Variants in EPB41L5 observed in about 807,000 individuals in gnomAD.
EPB41L5 encodes the protein band 4.1-like protein 5.
EPB41L5 carries 55 observed loss-of-function variants against 106.6 expected under a neutral mutation model. The ratio of observed to expected loss-of-function variants is 0.52; its 90% CI spans 0.42 to 0.65. The LOEUF is 0.65. EPB41L5 is among the 30% of genes least tolerant of loss of function. EPB41L5 has a pLI of 0.00. For synonymous variants in EPB41L5, 297 were observed against 306.7 expected, an observed-to-expected ratio of 0.97 and a Z score of 0.33; for missense variants, 871 against 882.1, an observed-to-expected ratio of 0.99 and a Z score of 0.16.
chr2:120,121,645 G>A (rs1685219603), intron 16 of EPB41L5, among the ~76,000 whole-genome samples: 1 of 152,146 alleles, frequency 6.6e-6, no homozygotes. Flanking sequence ...ATTGCGATTA[G>A]TGCCACAATA....
intron 3 of EPB41L5, among the ~76,000 whole-genome samples, chr2:120,062,055 A>G (rs1026815426): frequency 1.3e-5 from 2 of 152,202 alleles, no homozygotes; most frequent in Admixed American, 6.5e-5. Context: ...AGAGAAGAAG[A>G]TGACAAGGAT....
intron 12 of EPB41L5, among the ~76,000 whole-genome samples, chr2:120,090,742 CT>C (rs1683351970): frequency 1.3e-5 from 2 of 152,262 alleles, no homozygotes; most frequent in African/African-American, 4.8e-5. Context: ...TTATATCCCT[CT>C]GGATGTTTAC....
At chr2:120,049,109 G>A (rs1320231299) in intron 3 of EPB41L5, among the ~76,000 whole-genome samples, 1 of 152,208 alleles carries the variant, frequency 6.6e-6, no homozygotes, top group Non-Finnish European at 1.5e-5. Context: ...GAGTAAGTGT[G>A]ATGTGGTGCT....
At chr2:120,128,290 C>CACACACACA (rs1293613053) in intron 17 of EPB41L5, among the ~76,000 whole-genome samples, 2 of 151,652 alleles carry the variant, frequency 1.3e-5, no homozygotes, top group Non-Finnish European at 2.9e-5. Context: ...CACACACACA[C>CACACACACA]ATTTTTGAAG....
chr2:120,098,466 G>T (rs1392718873), intron 14 of EPB41L5, among the ~76,000 whole-genome samples: 1 of 152,132 alleles, frequency 6.6e-6, no homozygotes, highest in Non-Finnish European at 1.5e-5. Context: ...TCCTGCCTCG[G>T]CCCCTGAGAG....
intron 11 of EPB41L5, among the ~76,000 whole-genome samples, 168 bp from the exon 12 acceptor site, chr2:120,090,179 A>T (rs578166214): frequency 7.9e-5 from 12 of 151,592 alleles, no homozygotes; most frequent in Non-Finnish European, 1.6e-4. Context: ...TGATAAAATG[A>T]GCAACTTGAT....
chr2:120,062,396 C>T (rs921219039), intron 3 of EPB41L5, among the ~76,000 whole-genome samples: 3 of 152,066 alleles, frequency 2.0e-5, no homozygotes, highest in African/African-American at 7.2e-5. Context: ...TACTGCTGCC[C>T]AATAATGATT....
chr2:120,106,126 T>C, intron 16 of EPB41L5: 1 of 985,152 alleles, frequency 1.0e-6, no homozygotes, highest in Non-Finnish European at 1.2e-6. Context: ...ATCAGTACTG[T>C]TACATTTAAG....
intron 2 of EPB41L5, among the ~76,000 whole-genome samples, chr2:120,039,831 A>C (rs1321043141): frequency 6.7e-6 from 1 of 150,298 alleles, no homozygotes; most frequent in African/African-American, 2.4e-5. Flanking sequence ...GTCTCAGGAA[A>C]AAAAAAAAAA....
Position 120,177,118 on chromosome 2 carries a change from C to G in EPB41L5, c.*2211C>G, listed in dbSNP as rs1011584022. 6.6e-6 allele frequency: 1 copy of G among 152,214 alleles called. No individual in the cohort carries two copies. Among genetic ancestry groups the G allele is most frequent in the East Asian group, 1.9e-4 (1 of 5,182 alleles). 9.4% of individuals were successfully genotyped at this position (152,214 alleles called of 1,614,324 possible). A position where few individuals can be genotyped will look rare whatever the true frequency, so the allele number is the denominator to read the frequency against. ...TGTCATAGCTGCTGCTGCTGCCATG[C>G]GCAGAGCTGCTGTAACAGCTCTTCC... On this transcript the variant is annotated 3_prime_UTR_variant, in exon 25 of 25. Transcript: ENST00000263713.
intron 24 of EPB41L5, among the ~76,000 whole-genome samples, chr2:120,173,550 A>G (rs887690967): frequency 7.2e-5 from 11 of 152,362 alleles, no homozygotes; most frequent in African/African-American, 2.2e-4. Flanking sequence ...GAAAAGAATC[A>G]GTTGAAAGTG....
intron 3 of EPB41L5, among the ~76,000 whole-genome samples, chr2:120,058,119 TCTC>T (rs1225983543): frequency 6.6e-6 from 1 of 152,170 alleles, no homozygotes; most frequent in Admixed American, 6.5e-5. Context: ...AAATATGGTT[TCTC>T]TCATTTAAAA....
chr2:120,063,667 C>T (rs765301473), intron 3 of EPB41L5, among the ~76,000 whole-genome samples: 3 of 152,080 alleles, frequency 2.0e-5, no homozygotes, highest in African/African-American at 4.8e-5. Flanking sequence ...AATTCCTGGC[C>T]GGGTGCAGTG....
chr2:120,134,656 C>G (rs1685848002), intron 18 of EPB41L5, among the ~76,000 whole-genome samples: 1 of 152,148 alleles, frequency 6.6e-6, no homozygotes, highest in South Asian at 2.1e-4. Context: ...GCCAGGTAAT[C>G]CAGGGAATTC....
Position 120,134,730 on chromosome 2 carries a change from A to G in EPB41L5, c.1599+3015A>G, listed in dbSNP as rs79705854. ...ACAAGCCTGCAAGAGTCACAGCCTT[A>G]CTGGGCATGAGGTTCCCCCTAATGC... On this transcript the variant is annotated intron_variant, in intron 18 of 24. Transcript: ENST00000263713. 2.8e-4 allele frequency among the ~76,000 whole-genome samples: 43 copies of G among 152,382 alleles called. No individual in the cohort carries two copies. The East Asian group carries it at 3.5e-3, about 12-fold the overall frequency.
chr2:120,120,027 C>G (rs1359547904), intron 16 of EPB41L5, among the ~76,000 whole-genome samples: 3 of 152,090 alleles, frequency 2.0e-5, no homozygotes, highest in Non-Finnish European at 2.9e-5. Context: ...ACTATTTGAC[C>G]AGTTTAGAAT....
chr2:120,054,945 C>T (rs905465439), intron 3 of EPB41L5, among the ~76,000 whole-genome samples: 20 of 150,504 alleles, frequency 1.3e-4, no homozygotes, highest in African/African-American at 3.7e-4. Context: ...TGGCCCACCA[C>T]GACCTCTGCC....
chr2:120,051,345 T>G lies in EPB41L5; in HGVS notation c.285+9235T>G, dbSNP rs944257874. Among the ~76,000 whole-genome samples the G allele has an allele frequency of 4.4e-4, 67 of 152,286 alleles. 1 individual carries two copies. The highest frequency in any genetic ancestry group is 1.5e-3 in the African/African-American group (63 of 41,558). On this transcript the variant is annotated intron_variant, in intron 3 of 24. Coordinates refer to ENST00000263713, the MANE Select transcript of EPB41L5 (RefSeq NM_020909.4). ...GCAGCTTTGTTTACCTACTCAAGCC[T>G]CAGCAATGGTGGGTGCCCCTCCCCC...
At chr2:120,042,758 G>A (rs1405733486) in intron 3 of EPB41L5, among the ~76,000 whole-genome samples, 4 of 152,066 alleles carry the variant, frequency 2.6e-5, no homozygotes, top group Non-Finnish European at 5.9e-5. Flanking sequence ...TAATAAATTG[G>A]CAATATTTAC....
Sources: allele counts gnomAD v4.1 joint callset (sites outside exome capture counted in the v4.1 genomes callset), GRCh38; gene constraint gnomAD v4.1.1; transcripts MANE v1.5; gene names NCBI Gene and HGNC (gene_info 2026-07-23, HGNC 2026-07-21).